The following RNF6 variants were observed in gnomAD, a reference collection of about 807,000 sequenced individuals.
The protein encoded by RNF6 is E3 ubiquitin-protein ligase RNF6.
A neutral mutation model predicts 50.1 loss-of-function variants in RNF6; 21 were observed. The observed-to-expected ratio is 0.42, with a 90% CI of 0.30 to 0.60. The LOEUF (loss-of-function observed/expected upper bound fraction) is 0.60, where lower values mean the gene tolerates loss of function less well. Among genes scored for constraint, RNF6 ranks in the 20% least tolerant of loss-of-function variants. The pLI is 0.20. For synonymous variants in RNF6, 255 were observed against 291.8 expected (o/e 0.87, Z 1.29); for missense variants, 698 against 838.2 (o/e 0.83, Z 2.07).
chr13:26,211,626 C>T (rs902085573), downstream of RNF6, among the ~76,000 whole-genome samples: 12 of 152,096 alleles, frequency 7.9e-5, no homozygotes, highest in African/African-American at 2.6e-4. Flanking sequence ...GGCGTGGTGG[C>T]GCATGTCTGT....
At chr13:26,195,038 A>G (rs115395834) in intron 5 of RNF6, among the ~76,000 whole-genome samples, 1 of 152,198 alleles carries the variant, frequency 6.6e-6, no homozygotes, top group Admixed American at 6.5e-5. Context: ...GTTATTAACC[A>G]TCACAATGGC....
chr13:26,165,101 T>C (rs889412686), intron 5 of RNF6, among the ~76,000 whole-genome samples: 1 of 152,166 alleles, frequency 6.6e-6, no homozygotes, highest in Admixed American at 6.5e-5. Context: ...CCATGGTTCC[T>C]ATGCTGTGTG....
chr13:26,211,757 CAATAAA>C (rs756803696), downstream of RNF6, among the ~76,000 whole-genome samples: 8 of 152,056 alleles, frequency 5.3e-5, no homozygotes, highest in Admixed American at 6.5e-5. Flanking sequence ...GACTCTGTCT[CAATAAA>C]AATAAAAATA....
intron 5 of RNF6, among the ~76,000 whole-genome samples, chr13:26,145,143 C>T (rs1871159918): frequency 6.6e-6 from 1 of 152,152 alleles, no homozygotes; most frequent in Non-Finnish European, 1.5e-5. Flanking sequence ...AAGGATTTGC[C>T]AGATCAATAG....
At chr13:26,140,112 T>G (rs1870860403) in intron 5 of RNF6, among the ~76,000 whole-genome samples, 1 of 152,226 alleles carries the variant, frequency 6.6e-6, no homozygotes, top group Admixed American at 6.5e-5. Flanking sequence ...ATGAATATTT[T>G]GGGGATGGGG....
chr13:26,157,922 GGATA>G (rs1297863507), intron 5 of RNF6, among the ~76,000 whole-genome samples: 4 of 144,432 alleles, frequency 2.8e-5, no homozygotes, highest in African/African-American at 7.9e-5. Flanking sequence ...ATGGATGGAT[GGATA>G]GATGGATAGA....
intron 5 of RNF6, among the ~76,000 whole-genome samples, chr13:26,183,305 T>C (rs978790308): frequency 2.6e-5 from 4 of 152,198 alleles, no homozygotes; most frequent in Admixed American, 2.6e-4. Flanking sequence ...TTATAGAGTA[T>C]TGACCATGAC....
intron 5 of RNF6, among the ~76,000 whole-genome samples, chr13:26,170,677 T>C (rs541925285): frequency 6.6e-6 from 1 of 152,306 alleles, no homozygotes; most frequent in East Asian, 1.9e-4. Flanking sequence ...AAACCTAAGC[T>C]AATATCCTAG....
chr13:26,157,972 T>C (rs1363039758), intron 5 of RNF6, among the ~76,000 whole-genome samples: 2 of 151,510 alleles, frequency 1.3e-5, no homozygotes, highest in South Asian at 2.1e-4. Flanking sequence ...GATAGATAGA[T>C]AGATAGATAG....
chr13:26,215,279 G>A lies in RNF6; in HGVS notation c.603C>T (p.Thr201=), dbSNP rs1367303523. 2.5e-6 allele frequency: 4 copies of A among 1,614,188 alleles called. No individual in the cohort carries two copies. The highest frequency in any genetic ancestry group is 3.4e-6 in the Non-Finnish European group (4 of 1,180,040). Residue 201 remains threonine, a synonymous_variant, in exon 5 of 5, where the codon ACC becomes ACT. Coordinates refer to ENST00000381588, the MANE Select transcript of RNF6 (RefSeq NM_005977.4). The part of the protein sequence containing the change: ...SPVARRTRSQ[T]SVNFNGSSSN... ...AACTACTACCATTGAAATTCACTGA[G>A]GTTTGGCTTCTTGTTCGCCTAGCCA...
At chr13:26,187,230 TCCTAGC>T (rs1277250456) in intron 5 of RNF6, among the ~76,000 whole-genome samples, 3 of 152,086 alleles carry the variant, frequency 2.0e-5, no homozygotes, top group African/African-American at 7.2e-5. Context: ...ACGTGGGGCG[TCCTAGC>T]CTTCGGACCG....
intron 5 of RNF6, among the ~76,000 whole-genome samples, chr13:26,133,153 T>C (rs1870477764): frequency 6.6e-6 from 1 of 152,234 alleles, no homozygotes; most frequent in Non-Finnish European, 1.5e-5. Flanking sequence ...AGTGGATTTT[T>C]AAGTATTGAA....
At chr13:26,221,771 G>GCCCAACCAACCTCTT (rs1444863592) in intron 1 of RNF6, 2 of 152,204 alleles carry the variant, frequency 1.3e-5, no homozygotes, top group East Asian at 3.9e-4. Context: ...GGCTCAAGAG[G>GCCCAACCAACCTCTT]CCCAACCAAC....
intron 5 of RNF6, among the ~76,000 whole-genome samples, chr13:26,204,722 A>C (rs1869039415): frequency 1.3e-5 from 2 of 152,152 alleles, no homozygotes; most frequent in Admixed American, 6.5e-5. Context: ...AAATGTTCCT[A>C]GTTTATTTCC....
At chr13:26,178,276 C>A (rs1300411193) in intron 5 of RNF6, among the ~76,000 whole-genome samples, 2 of 152,144 alleles carry the variant, frequency 1.3e-5, no homozygotes, top group Non-Finnish European at 2.9e-5. Flanking sequence ...CTAAGAAGCC[C>A]ATCAAGATCC....
intron 5 of RNF6, among the ~76,000 whole-genome samples, chr13:26,207,026 A>G (rs1474125608): frequency 6.6e-6 from 1 of 152,142 alleles, no homozygotes; most frequent in African/African-American, 2.4e-5. Context: ...AAATTAAAAC[A>G]TTTTCATGGG....
At chr13:26,173,709 T>A (rs1044327224) in intron 5 of RNF6, among the ~76,000 whole-genome samples, 2 of 152,040 alleles carry the variant, frequency 1.3e-5, no homozygotes, top group African/African-American at 4.8e-5. Flanking sequence ...AAAAAAGCAT[T>A]TGGGAGGCCA....
chr13:26,217,747 G>T lies in RNF6; in HGVS notation c.289+764C>A, dbSNP rs1441155407. ...ATGAGCTAAATTTTAAATTTAATTT[G>T]ATTTTAATTAATTTCCATTTAAATA... On this transcript the variant is annotated intron_variant, in intron 4 of 4. Transcript: ENST00000381588. 3.3e-5 allele frequency among the ~76,000 whole-genome samples: 5 copies of T among 152,312 alleles called. No homozygotes were observed. The East Asian group carries it at 5.8e-4, about 18-fold the overall frequency.
chr13:26,154,747 C>T (rs560962101), intron 5 of RNF6, among the ~76,000 whole-genome samples: 321 of 152,116 alleles, frequency 2.1e-3, no homozygotes, highest in African/African-American at 7.3e-3. Flanking sequence ...ACAAAACTCC[C>T]GGCTGGGCGT....
Sources: allele counts gnomAD v4.1 joint callset (sites outside exome capture counted in the v4.1 genomes callset), GRCh38; gene constraint gnomAD v4.1.1; transcripts MANE v1.5; gene names NCBI Gene and HGNC (gene_info 2026-07-23, HGNC 2026-07-21).